The following CDH18 variants were observed in gnomAD, a reference collection of about 807,000 sequenced individuals.
The protein encoded by CDH18 is cadherin 18, also known as cadherin-18.
A neutral mutation model predicts 67.9 loss-of-function variants in CDH18; 31 were observed. That is an observed-to-expected ratio of 0.46 (90% confidence interval 0.34 to 0.62). The LOEUF (loss-of-function observed/expected upper bound fraction) is 0.62. CDH18 is among the 20% of genes least tolerant of loss of function. The pLI is 0.01. For synonymous variants in CDH18, 362 were observed against 347.2 expected, an observed-to-expected ratio of 1.04 and a Z score of -0.48; for missense variants, 890 against 975.5, an observed-to-expected ratio of 0.91 and a Z score of 1.17.
intron 5 of CDH18, among the ~76,000 whole-genome samples, chr5:19,705,010 T>C (rs955398161): frequency 1.3e-5 from 2 of 152,208 alleles, no homozygotes; most frequent in African/African-American, 4.8e-5. Context: ...ATTCCTGCAG[T>C]AAACAACCTG....
intron 4 of CDH18, among the ~76,000 whole-genome samples, chr5:19,723,467 C>G (rs1036800283): frequency 1.3e-5 from 2 of 152,044 alleles, no homozygotes; most frequent in African/African-American, 4.8e-5. Flanking sequence ...CAATGAGACT[C>G]TAAGAAGAAA....
At chr5:20,184,961 T>C (rs962554440) in intron 2 of CDH18, among the ~76,000 whole-genome samples, 2 of 152,028 alleles carry the variant, frequency 1.3e-5, no homozygotes, top group African/African-American at 4.8e-5. Context: ...GACCTCAGGG[T>C]CACCATCATA....
intron 6 of CDH18, among the ~76,000 whole-genome samples, chr5:19,597,019 A>G (rs1228616689): frequency 6.6e-6 from 1 of 152,238 alleles, no homozygotes; most frequent in Non-Finnish European, 1.5e-5. Context: ...GAGTTCAGCA[A>G]AAGTAATCGG....
At chr5:20,483,708 G>T (rs566335025) in intron 1 of CDH18, among the ~76,000 whole-genome samples, 1 of 150,606 alleles carries the variant, frequency 6.6e-6, no homozygotes, top group Non-Finnish European at 1.5e-5. Context: ...AATGGTGCTG[G>T]AAAAACTAGA....
chr5:20,349,254 T>C (rs1740960516), intron 1 of CDH18, among the ~76,000 whole-genome samples: 2 of 152,274 alleles, frequency 1.3e-5, no homozygotes, highest in South Asian at 4.1e-4. Flanking sequence ...AACCAAACAG[T>C]AGTACTTTGG....
At chr5:20,127,571 T>C (rs555469431) in intron 2 of CDH18, among the ~76,000 whole-genome samples, 23 of 152,252 alleles carry the variant, frequency 1.5e-4, no homozygotes, top group African/African-American at 5.3e-4. Flanking sequence ...GAAGACATTA[T>C]ACTAAGTGAA....
chr5:19,885,462 TGTAAAATACA>T (rs1193107671), intron 2 of CDH18, among the ~76,000 whole-genome samples: 5 of 152,226 alleles, frequency 3.3e-5, no homozygotes, highest in African/African-American at 1.2e-4. Flanking sequence ...TTTATATTAG[TGTAAAATACA>T]TCGGTTAAAA....
At chr5:19,651,052 C>T (rs1022910289) in intron 5 of CDH18, among the ~76,000 whole-genome samples, 2 of 151,856 alleles carry the variant, frequency 1.3e-5, no homozygotes, top group Admixed American at 6.6e-5. Context: ...TATATGTCAA[C>T]TGCTTTGTTT....
chr5:20,092,969 C>T (rs1297722261), intron 2 of CDH18, among the ~76,000 whole-genome samples: 79 of 152,172 alleles, frequency 5.2e-4, no homozygotes, highest in Non-Finnish European at 9.3e-4. Flanking sequence ...TTCAAATTTG[C>T]TTTCTTGACT....
At chr5:20,474,923 C>A (rs1752333810) in intron 1 of CDH18, among the ~76,000 whole-genome samples, 1 of 152,058 alleles carries the variant, frequency 6.6e-6, no homozygotes, top group Non-Finnish European at 1.5e-5. Context: ...ATTGTGCTGT[C>A]TGCTTATTTT....
At chr5:19,667,633 T>C (rs1758156318) in intron 5 of CDH18, among the ~76,000 whole-genome samples, 1 of 134,180 alleles carries the variant, frequency 7.5e-6, no homozygotes, top group African/African-American at 2.5e-5. Flanking sequence ...TGATTATATA[T>C]ATATTATTTG....
At chr5:20,300,906 T>C (rs777871276) in intron 1 of CDH18, among the ~76,000 whole-genome samples, 123 of 152,290 alleles carry the variant, frequency 8.1e-4, no homozygotes, top group Non-Finnish European at 1.4e-3. Context: ...CTGTGGAATA[T>C]GTAAAAAATA....
At chr5:20,384,697 A>AC (rs1463815391) in intron 1 of CDH18, among the ~76,000 whole-genome samples, 1 of 152,220 alleles carries the variant, frequency 6.6e-6, no homozygotes, top group Admixed American at 6.5e-5. Flanking sequence ...CATTTTACAT[A>AC]CCAACAACAG....
intron 3 of CDH18, among the ~76,000 whole-genome samples, chr5:19,805,012 T>G (rs1001131501): frequency 6.6e-6 from 1 of 151,578 alleles, no homozygotes; most frequent in Non-Finnish European, 1.5e-5. Context: ...TGGCACACAA[T>G]CTCAACTCAC....
Position 19,591,373 on chromosome 5 carries a change from T to A in CDH18, c.812-129A>T, listed in dbSNP as rs1745109134. On this transcript the variant is annotated intron_variant, in intron 6 of 12. Transcript: ENST00000382275. ...TAGGTAATGCATCAAATGGACTTTT[T>A]TAGATTTTAAAAGTAGACTATTTTG... The A allele has an allele frequency of 8.0e-6, 4 of 498,406 alleles. No homozygotes were observed. In the Admixed American group the frequency reaches 1.6e-4, roughly 20 times the overall value. 30.9% of individuals were successfully genotyped at this position (498,406 alleles called of 1,614,324 possible).
At chr5:20,217,373 G>T (rs1318326263) in intron 2 of CDH18, among the ~76,000 whole-genome samples, 1 of 151,844 alleles carries the variant, frequency 6.6e-6, no homozygotes, top group Non-Finnish European at 1.5e-5. Flanking sequence ...GGAAAAAGCA[G>T]AGGTTGAAGT....
Position 19,540,099 on chromosome 5 carries a change from G to A in CDH18, c.1390+3770C>T, listed in dbSNP as rs188478825. ...ATTAGTTACTTCCTAGACACAATGGGGGTCTAGGAATTAAGTAAATATAGC... is the reference window on the plus strand; with the variant it reads ...ATTAGTTACTTCCTAGACACAATGGAGGTCTAGGAATTAAGTAAATATAGC... On this transcript the variant is annotated intron_variant, in intron 9 of 12. Coordinates refer to ENST00000382275, the MANE Select transcript of CDH18 (RefSeq NM_004934.5). Among the ~76,000 whole-genome samples the A allele has an allele frequency of 3.5e-5, 5 of 142,558 alleles. No homozygotes were observed. In the East Asian group the frequency reaches 9.7e-4, roughly 28 times the overall value. 93.5% of individuals were successfully genotyped at this position (142,558 alleles called of 152,430 possible).
intron 3 of CDH18, among the ~76,000 whole-genome samples, chr5:19,829,966 C>A (rs534319464): frequency 6.6e-6 from 1 of 152,062 alleles, no homozygotes; most frequent in African/African-American, 2.4e-5. Flanking sequence ...ATAAATAATG[C>A]TAGGATAACG....
intron 2 of CDH18, among the ~76,000 whole-genome samples, chr5:20,155,620 T>G (rs1751464420): frequency 2.6e-5 from 4 of 152,162 alleles, no homozygotes; most frequent in Non-Finnish European, 4.4e-5. Context: ...GTGTTTCCTT[T>G]GGAGGACTTA....
Sources: gnomAD v4.1 joint callset for allele counts (sites outside exome capture counted in the v4.1 genomes callset) on GRCh38, gnomAD v4.1.1 for gene constraint, MANE v1.5 for transcripts, NCBI Gene and HGNC (gene_info 2026-07-23, HGNC 2026-07-21) for gene names.